YES1: variants seen among roughly 807,000 people sequenced by gnomAD.
The protein encoded by YES1 is tyrosine-protein kinase Yes.
In YES1, 39 loss-of-function variants were observed where a neutral mutation model predicts 70.4. The ratio of observed to expected loss-of-function variants is 0.55; its 90% CI spans 0.43 to 0.72. The LOEUF is 0.72. Ranked by LOEUF, YES1 falls within the 30% of genes least tolerant of loss-of-function variation. The probability of loss-of-function intolerance (pLI) is 0.00; values close to 1 mark genes in which losing one functional copy is unlikely to be tolerated. For synonymous variants in YES1, 198 were observed against 218.6 expected, an observed-to-expected ratio of 0.91 and a Z score of 0.83; for missense variants, 495 against 644.8, an observed-to-expected ratio of 0.77 and a Z score of 2.52.
At chr18:727,182 T>C (rs568913076) in intron 11 of YES1, among the ~76,000 whole-genome samples, 35 of 152,304 alleles carry the variant, frequency 2.3e-4, no homozygotes, top group African/African-American at 8.4e-4. Context: ...TAGCTCATTT[T>C]GGATTTTTGT....
At chr18:751,846 C>A (rs974632373) in intron 2 of YES1, 42 bp from the exon 3 acceptor site, 8 of 1,086,718 alleles carry the variant, frequency 7.4e-6, no homozygotes, top group Non-Finnish European at 5.4e-6. Context: ...ATGTAGCTAA[C>A]TTAACAAAAC....
At position 747,983 on chromosome 18, in the gene YES1, G is replaced by A; in HGVS notation, c.407C>T (p.Thr136Ile). The change falls in exon 4 of 12, where the codon ACA (threonine) becomes ATA (isoleucine). Residue 136 changes from threonine to isoleucine, a missense_variant. This residue lies in a region of YES1 where 385 missense variants were observed against 540.9 expected (regional missense o/e 0.71). Coordinates refer to ENST00000314574, the MANE Select transcript of YES1 (RefSeq NM_005433.4). ...GCTCGGGATATAACCATTCTTTCCTGTAGCGATTGATCTTGCTTCCCACCA... is the reference window on the plus strand; with the variant it reads ...GCTCGGGATATAACCATTCTTTCCTATAGCGATTGATCTTGCTTCCCACCA... ...GDWWEARSIA[T>I]GKNGYIPSNY... The A allele has an allele frequency of 6.2e-7, 1 of 1,613,866 alleles. No homozygotes were observed. The highest frequency in any genetic ancestry group is 8.5e-7 in the Non-Finnish European group (1 of 1,179,970).
chr18:753,644 C>T (rs1419988780), intron 2 of YES1, among the ~76,000 whole-genome samples: 1 of 152,028 alleles, frequency 6.6e-6, no homozygotes, highest in Non-Finnish European at 1.5e-5. Flanking sequence ...CACCTCCACG[C>T]CCAGCTAATT....
chr18:779,585 A>C (rs1905553448), intron 1 of YES1, among the ~76,000 whole-genome samples: 1 of 152,166 alleles, frequency 6.6e-6, no homozygotes, highest in Admixed American at 6.5e-5. Flanking sequence ...CAGCCACCTT[A>C]GGCAATTATT....
intron 8 of YES1, among the ~76,000 whole-genome samples, chr18:742,430 G>A (rs2080226414): frequency 1.3e-5 from 2 of 148,632 alleles, no homozygotes; most frequent in African/African-American, 5.0e-5. Context: ...ACCAGCCTGG[G>A]CAACATAGTT....
intron 4 of YES1, among the ~76,000 whole-genome samples, chr18:747,293 AC>A (rs2080291737): frequency 6.6e-6 from 1 of 152,020 alleles, no homozygotes; most frequent in Non-Finnish European, 1.5e-5. Flanking sequence ...AATAGGCGAA[AC>A]CCCGTCTCTA....
chr18:724,452 G>A lies in YES1; in HGVS notation c.1604C>T (p.Pro535Leu), dbSNP rs752214006. 1.2e-6 allele frequency: 2 copies of A among 1,614,036 alleles called. No homozygotes were observed. The highest frequency in any genetic ancestry group is 1.7e-6 in the Non-Finnish European group (2 of 1,180,010). The change falls in exon 12 of 12, where the codon CCA becomes CTA. Residue 535 changes from proline to leucine, a missense_variant. Pro to Leu is a moderately conservative substitution (Grantham distance 98). Transcript: ENST00000314574. The stretch of plus-strand genomic sequence containing the variant: ...TAAATTTTCTCCTGGCTGGTACTGT[G>A]GCTCTGTAGCAGTGAAGTAGTCTTC... ...FLEDYFTATE[P>L]QYQPGENL
intron 1 of YES1, among the ~76,000 whole-genome samples, chr18:794,134 C>T (rs1437626890): frequency 6.6e-6 from 1 of 152,166 alleles, no homozygotes; most frequent in Non-Finnish European, 1.5e-5. Context: ...GTGATGAAAC[C>T]TGACAGATAT....
rs1159239532 is a variant in YES1, at chr18:721,618, GGATT to G, written c.*2802_*2805del. 1.3e-5 allele frequency: 2 copies of G among 151,666 alleles called. No individual in the cohort carries two copies. Among genetic ancestry groups the G allele is most frequent in the Non-Finnish European group, 2.9e-5 (2 of 67,938 alleles). 9.4% of individuals were successfully genotyped at this position (151,666 alleles called of 1,614,324 possible). On this transcript the variant is annotated 3_prime_UTR_variant, in exon 12 of 12. Transcript: ENST00000314574. ...TCAATAATGTTCTGAATTTAATAAA[GGATT>G]GATTAAATTCTGCTCAGTAGTTACA...
At chr18:747,865 C>T in intron 4 of YES1, 55 bp downstream of exon 4, 1 of 1,522,776 alleles carries the variant, frequency 6.6e-7, no homozygotes, top group Non-Finnish European at 9.0e-7. Flanking sequence ...GTAGAATGTG[C>T]ATTAAAACAT....
intron 1 of YES1, among the ~76,000 whole-genome samples, chr18:769,807 T>C (rs1905076565): frequency 6.6e-6 from 1 of 152,194 alleles, no homozygotes; most frequent in Non-Finnish European, 1.5e-5. Flanking sequence ...CTTTTATATA[T>C]TCCTGAAAGC....
chr18:766,264 AG>A (rs894160408), intron 1 of YES1, among the ~76,000 whole-genome samples: 9 of 152,162 alleles, frequency 5.9e-5, no homozygotes, highest in Admixed American at 5.9e-4. Context: ...ATGGGCTTCC[AG>A]GAAGTTTTCC....
At chr18:725,279 G>T (rs1598881180) in intron 11 of YES1, among the ~76,000 whole-genome samples, 1 of 151,680 alleles carries the variant, frequency 6.6e-6, no homozygotes, top group East Asian at 1.9e-4. Flanking sequence ...CACTAAGCCA[G>T]CAACCTCACC....
chr18:783,081 T>C (rs1905755943), intron 1 of YES1, among the ~76,000 whole-genome samples: 3 of 152,114 alleles, frequency 2.0e-5, no homozygotes, highest in Non-Finnish European at 2.9e-5. Context: ...ATCCTAAGAA[T>C]ATTTTTAAAA....
intron 3 of YES1, among the ~76,000 whole-genome samples, chr18:748,606 T>C (rs1187493999): frequency 3.3e-5 from 5 of 152,208 alleles, no homozygotes; most frequent in African/African-American, 1.2e-4. Context: ...ATATGCCCAC[T>C]GCATGCACCT....
At chr18:810,775 T>A (rs1022242279) in intron 1 of YES1, among the ~76,000 whole-genome samples, 1 of 152,206 alleles carries the variant, frequency 6.6e-6, no homozygotes, top group Admixed American at 6.5e-5. Context: ...CTCACACTTA[T>A]AAGCAAACAA....
intron 1 of YES1, among the ~76,000 whole-genome samples, chr18:799,026 T>C (rs1159529622): frequency 6.6e-6 from 1 of 152,254 alleles, no homozygotes; most frequent in Non-Finnish European, 1.5e-5. Flanking sequence ...ATTAGTCAGA[T>C]GCTCTGCTTT....
chr18:743,863 G>A (rs765079894), intron 6 of YES1, among the ~76,000 whole-genome samples: 14 of 150,152 alleles, frequency 9.3e-5, no homozygotes, highest in East Asian at 7.8e-4. Context: ...CCAAAATTGC[G>A]CCACTGCACT....
intron 11 of YES1, among the ~76,000 whole-genome samples, chr18:726,263 A>C (rs2080017705): frequency 6.6e-6 from 1 of 152,010 alleles, no homozygotes; most frequent in African/African-American, 2.4e-5. Flanking sequence ...GTCTCTACTA[A>C]AAATACAAAA....
Sources: gnomAD v4.1 joint callset for allele counts (sites outside exome capture counted in the v4.1 genomes callset) on GRCh38, gnomAD v4.1.1 for gene constraint, gnomAD v4.1.1 regional missense constraint, MANE v1.5 for transcripts, NCBI Gene and HGNC (gene_info 2026-07-23, HGNC 2026-07-21) for gene names.